The following CALN1 variants were observed in gnomAD, a reference collection of about 807,000 sequenced individuals.
CALN1 encodes calcium-binding protein 8.
In CALN1, 17 loss-of-function variants were observed where a neutral mutation model predicts 30.6. The observed-to-expected ratio is 0.56, with a 90% CI of 0.38 to 0.83. The LOEUF is 0.83. CALN1 is among the 40% of genes least tolerant of loss of function. CALN1 has a pLI of 0.00. For synonymous variants in CALN1, 156 were observed against 131.4 expected (o/e 1.19, Z -1.28); for missense variants, 291 against 354.9 (o/e 0.82, Z 1.45).
chr7:71,894,499 T>A (rs540589054), intron 5 of CALN1, among the ~76,000 whole-genome samples: 2 of 152,300 alleles, frequency 1.3e-5, no homozygotes, highest in Non-Finnish European at 2.9e-5. Flanking sequence ...ACTCCTGGCC[T>A]CACTCAGGTG....
At chr7:72,229,780 C>A (rs112981720) in intron 3 of CALN1, among the ~76,000 whole-genome samples, 1 of 151,708 alleles carries the variant, frequency 6.6e-6, no homozygotes, top group Non-Finnish European at 1.5e-5. Context: ...CGGGGCCTGT[C>A]GGAGGGTGGG....
chr7:72,373,125 CTT>C (rs1479231951), intron 2 of CALN1, among the ~76,000 whole-genome samples: 1 of 152,140 alleles, frequency 6.6e-6, no homozygotes, highest in Non-Finnish European at 1.5e-5. Flanking sequence ...AAAAAACACA[CTT>C]AACCAGCTTT....
intron 4 of CALN1, among the ~76,000 whole-genome samples, chr7:72,099,119 A>C (rs1191188823): frequency 6.6e-6 from 1 of 152,142 alleles, no homozygotes; most frequent in African/African-American, 2.4e-5. Flanking sequence ...CAGAGAAAGA[A>C]GACTGGTGTG....
chr7:72,360,671 G>GTATGTATACA (rs1249411963), intron 2 of CALN1, among the ~76,000 whole-genome samples: 2 of 146,436 alleles, frequency 1.4e-5, no homozygotes, highest in Admixed American at 1.4e-4. Context: ...TGTTACATAT[G>GTATGTATACA]TATGTATACA....
In CALN1 at chr7:72,151,513, G is replaced by A. The variant is rs896358753; in HGVS notation, c.245-45219C>T. Among the ~76,000 whole-genome samples the A allele has an allele frequency of 2.6e-5, 4 of 152,050 alleles. No homozygotes were observed. In the South Asian group the frequency reaches 8.3e-4, roughly 32 times the overall value. ...GGCGCCAACATATTATTTTTTGGGA[G>A]GACACAATTCAACCCCGTAATAGAC... On this transcript the variant is annotated intron_variant, in intron 3 of 6. Coordinates refer to ENST00000395275, the MANE Select transcript of CALN1 (RefSeq NM_031468.4).
At chr7:72,445,969 A>G (rs776125441) in intron 1 of CALN1, among the ~76,000 whole-genome samples, 1 of 152,146 alleles carries the variant, frequency 6.6e-6, no homozygotes, top group African/African-American at 2.4e-5. Context: ...AAGCCCCTGG[A>G]AAATTCAGTA....
At chr7:72,196,576 A>C (rs1301765407) in intron 3 of CALN1, among the ~76,000 whole-genome samples, 1 of 152,256 alleles carries the variant, frequency 6.6e-6, no homozygotes, top group African/African-American at 2.4e-5. Context: ...CAAAAAAGAA[A>C]AAGATGTCAT....
chr7:72,334,885 G>A (rs1463622343), intron 2 of CALN1, among the ~76,000 whole-genome samples: 1 of 152,186 alleles, frequency 6.6e-6, no homozygotes, highest in Non-Finnish European at 1.5e-5. Context: ...CCACACGTCT[G>A]CAGTGAACTC....
chr7:72,315,684 G>A (rs955029981), intron 2 of CALN1, among the ~76,000 whole-genome samples: 1 of 151,136 alleles, frequency 6.6e-6, no homozygotes, highest in African/African-American at 2.4e-5. Context: ...CAGCCTGTGT[G>A]ACACAGTGAG....
At chr7:72,117,232 G>A (rs1808049510) in intron 3 of CALN1, among the ~76,000 whole-genome samples, 1 of 152,180 alleles carries the variant, frequency 6.6e-6, no homozygotes, top group African/African-American at 2.4e-5. Flanking sequence ...TGGGAGGATT[G>A]CTTGAACCCA....
chr7:72,329,701 C>A (rs1801530310), intron 2 of CALN1, among the ~76,000 whole-genome samples: 1 of 152,214 alleles, frequency 6.6e-6, no homozygotes, highest in African/African-American at 2.4e-5. Context: ...TGCCTGTAAT[C>A]CCAGCACTTT....
intron 5 of CALN1, among the ~76,000 whole-genome samples, chr7:71,850,948 C>T (rs1790602355): frequency 1.3e-5 from 2 of 152,156 alleles, no homozygotes; most frequent in African/African-American, 4.8e-5. Context: ...TGCAGTGGCT[C>T]ATGCCTCTAA....
chr7:72,069,000 G>C (rs899501080), intron 4 of CALN1, among the ~76,000 whole-genome samples: 3 of 152,326 alleles, frequency 2.0e-5, no homozygotes, highest in African/African-American at 7.2e-5. Context: ...AGTAGATATA[G>C]ACTGATTCTA....
intron 2 of CALN1, among the ~76,000 whole-genome samples, chr7:72,280,630 C>T (rs1180208861): frequency 6.6e-6 from 1 of 152,142 alleles, no homozygotes; most frequent in East Asian, 1.9e-4. Flanking sequence ...AAGGCCAATC[C>T]TGATTTCTTG....
intron 3 of CALN1, among the ~76,000 whole-genome samples, chr7:72,272,253 G>C (rs186063957): frequency 6.6e-6 from 1 of 152,136 alleles, no homozygotes; most frequent in Admixed American, 6.5e-5. Flanking sequence ...ATACAGAAGA[G>C]TATATCAGTA....
intron 3 of CALN1, among the ~76,000 whole-genome samples, chr7:72,155,265 G>C (rs1363657099): frequency 2.0e-5 from 3 of 151,990 alleles, no homozygotes; most frequent in African/African-American, 7.2e-5. Context: ...GAAAATATGT[G>C]TTGTTTAACA....
chr7:72,359,928 A>C (rs1177590307), intron 2 of CALN1, among the ~76,000 whole-genome samples: 1 of 136,792 alleles, frequency 7.3e-6, no homozygotes, highest in Non-Finnish European at 1.5e-5. Context: ...AGTGAGCCAA[A>C]ATCACGCCAC....
intron 2 of CALN1, among the ~76,000 whole-genome samples, chr7:72,347,084 G>A (rs1322754633): frequency 6.6e-6 from 1 of 152,062 alleles, no homozygotes; most frequent in Non-Finnish European, 1.5e-5. Context: ...GAATGGGGTG[G>A]ATGCAATGCT....
chr7:72,100,183 G>C (rs550073407), intron 4 of CALN1, among the ~76,000 whole-genome samples: 2 of 151,828 alleles, frequency 1.3e-5, no homozygotes, highest in Non-Finnish European at 2.9e-5. Flanking sequence ...TTAGAGATAA[G>C]GGTCTAGCTC....
Sources: allele counts gnomAD v4.1 joint callset (sites outside exome capture counted in the v4.1 genomes callset), GRCh38; gene constraint gnomAD v4.1.1; transcripts MANE v1.5; gene names NCBI Gene and HGNC (gene_info 2026-07-23, HGNC 2026-07-21).